Variants in LIN28B observed in about 807,000 individuals in gnomAD.
LIN28B encodes the protein lin-28 RNA binding posttranscriptional regulator B.
A neutral mutation model predicts 21.9 loss-of-function variants in LIN28B; 5 were observed. The ratio of observed to expected loss-of-function variants is 0.23; its 90% CI spans 0.12 to 0.48. The LOEUF is 0.48. Among genes scored for constraint, LIN28B ranks in the 20% least tolerant of loss-of-function variants. The probability of loss-of-function intolerance (pLI) is 0.98; values close to 1 mark genes in which losing one functional copy is unlikely to be tolerated. For missense variants in LIN28B, 245 were observed against 310.5 expected (o/e 0.79, Z 1.58); for synonymous variants, 109 against 111.3 (o/e 0.98, Z 0.13).
rs1471490283 is a variant in LIN28B at position 105,081,812 on chromosome 6, C to T, written c.*3029C>T. The T allele has an allele frequency of 5.9e-5, 9 of 152,632 alleles. No homozygotes were observed. The highest frequency in any genetic ancestry group is 2.0e-4 in the Admixed American group (3 of 15,274). The allele number at this position is 152,632 out of a possible 1,614,324, so 9.5% of individuals were successfully genotyped here. A position where few individuals can be genotyped will look rare whatever the true frequency, so the allele number is the denominator to read the frequency against. ...GAGTTTAAAAGACGCCAATGTCCTT[C>T]ATTTACTGTCTGTGCTGCCCTGAAG... On this transcript the variant is annotated 3_prime_UTR_variant, in exon 4 of 4. Transcript: ENST00000345080.
chr6:104,938,166 G>A (rs1288810990), intron 2 of LIN28B, among the ~76,000 whole-genome samples: 1 of 151,714 alleles, frequency 6.6e-6, no homozygotes, highest in Non-Finnish European at 1.5e-5. Context: ...TCTCACTTGT[G>A]CCCAGGAGGT....
intron 2 of LIN28B, among the ~76,000 whole-genome samples, chr6:105,012,460 C>G (rs926196310): frequency 5.3e-5 from 8 of 151,552 alleles, no homozygotes; most frequent in Non-Finnish European, 7.4e-5. Context: ...CAGAGCAAGA[C>G]TCCATCTCCA....
chr6:105,034,294 G>C (rs1771480454), intron 3 of LIN28B, among the ~76,000 whole-genome samples: 1 of 151,674 alleles, frequency 6.6e-6, no homozygotes, highest in Admixed American at 6.6e-5. Context: ...GTGTTGACTT[G>C]AATTTTTAAA....
intron 2 of LIN28B, among the ~76,000 whole-genome samples, chr6:104,976,135 T>C (rs534439291): frequency 2.2e-4 from 33 of 152,292 alleles, no homozygotes; most frequent in Non-Finnish European, 4.3e-4. Context: ...AATTACTTAC[T>C]TTGTGCTAGG....
intron 2 of LIN28B, chr6:104,940,637 G>C (rs1039471426): frequency 1.3e-5 from 2 of 150,518 alleles, no homozygotes; most frequent in Non-Finnish European, 3.0e-5. Flanking sequence ...GCGTGCCGCC[G>C]GCTGACGCAG....
chr6:105,007,298 T>C (rs1278140690), intron 2 of LIN28B, among the ~76,000 whole-genome samples: 2 of 152,170 alleles, frequency 1.3e-5, no homozygotes, highest in Non-Finnish European at 2.9e-5. Context: ...GAATTTATTA[T>C]TCAAAACAGT....
In LIN28B at chr6:105,075,304, G is replaced by T. The variant is rs143647139; in HGVS notation, c.384-3110G>T. Among the ~76,000 whole-genome samples, 51 of 152,274 alleles carry T rather than the reference G, an allele frequency of 3.3e-4. 1 individual carries two copies. The East Asian group carries it at 9.1e-3, about 27-fold the overall frequency. On this transcript the variant is annotated intron_variant, in intron 3 of 3. Coordinates refer to ENST00000345080, the MANE Select transcript of LIN28B (RefSeq NM_001004317.4). The stretch of plus-strand genomic sequence containing the variant: ...AACAGTGTGGAGGGTGAACAAAGGG[G>T]ACTAAAATCATGTATAGCTTGTATG...
intron 3 of LIN28B, among the ~76,000 whole-genome samples, chr6:105,051,584 CTG>C (rs1771907838): frequency 6.6e-6 from 1 of 151,566 alleles, no homozygotes; most frequent in African/African-American, 2.4e-5. Context: ...GACGTATACT[CTG>C]AGTTCTTTTA....
intron 3 of LIN28B, 46 bp from the exon 4 acceptor site, chr6:105,078,368 T>A: frequency 6.5e-7 from 1 of 1,534,168 alleles, no homozygotes; most frequent in South Asian, 1.3e-5. Flanking sequence ...TGTTTTTGGA[T>A]ACATGCTGCC....
intron 2 of LIN28B, among the ~76,000 whole-genome samples, chr6:104,991,979 C>G (rs1053741789): frequency 2.9e-5 from 4 of 137,144 alleles, no homozygotes; most frequent in African/African-American, 8.3e-5. Context: ...AGCTTTGGCT[C>G]GGCATCAGAG....
At chr6:105,014,800 A>G (rs1053517053) in intron 2 of LIN28B, among the ~76,000 whole-genome samples, 1 of 151,874 alleles carries the variant, frequency 6.6e-6, no homozygotes, top group Non-Finnish European at 1.5e-5. Context: ...CTTAAATCTA[A>G]ATTTTCCTTC....
rs1319253572 is a variant in LIN28B, at chr6:105,080,904, C to G, written c.*2121C>G. ...GGAAATTATGGACTTCAAAATTGGACACTTCCTGTTTACAAAAAGAAATTC... is the reference window on the plus strand; with the variant it reads ...GGAAATTATGGACTTCAAAATTGGAGACTTCCTGTTTACAAAAAGAAATTC... On this transcript the variant is annotated 3_prime_UTR_variant, in exon 4 of 4. Transcript: ENST00000345080. The G allele has an allele frequency of 1.3e-5, 2 of 152,494 alleles. 1 individual carries two copies. The highest frequency in any genetic ancestry group is 2.9e-5 in the Non-Finnish European group (2 of 68,016). 9.4% of individuals were successfully genotyped at this position (152,494 alleles called of 1,614,324 possible).
At chr6:105,033,873 A>C (rs1269449986) in intron 3 of LIN28B, among the ~76,000 whole-genome samples, 1 of 151,740 alleles carries the variant, frequency 6.6e-6, no homozygotes, top group Admixed American at 6.6e-5. Context: ...TTTCTTTGCC[A>C]CAGTTGATTT....
At chr6:105,053,698 GGT>G (rs1215183082) in intron 3 of LIN28B, among the ~76,000 whole-genome samples, 3 of 104,732 alleles carry the variant, frequency 2.9e-5, no homozygotes, top group Non-Finnish European at 3.9e-5. Flanking sequence ...TTGTTTGTAT[GGT>G]GTGTGTGTGG....
At chr6:105,055,468 A>C (rs1469276095) in intron 3 of LIN28B, among the ~76,000 whole-genome samples, 2 of 152,168 alleles carry the variant, frequency 1.3e-5, no homozygotes, top group Non-Finnish European at 2.9e-5. Context: ...CTCCCTCCTT[A>C]GTCTTGATTA....
chr6:104,984,770 A>G (rs1770300280), intron 2 of LIN28B, among the ~76,000 whole-genome samples: 2 of 152,226 alleles, frequency 1.3e-5, no homozygotes, highest in East Asian at 1.9e-4. Context: ...GTAAAACAAC[A>G]AAGACAAAGA....
chr6:104,998,604 A>G (rs932428830), intron 2 of LIN28B, among the ~76,000 whole-genome samples: 3 of 152,178 alleles, frequency 2.0e-5, no homozygotes, highest in African/African-American at 7.2e-5. Flanking sequence ...ATTTCCTCTT[A>G]GAATCCAGTA....
chr6:104,948,584 A>G (rs1016365177), intron 2 of LIN28B, among the ~76,000 whole-genome samples: 1 of 152,238 alleles, frequency 6.6e-6, no homozygotes, highest in African/African-American at 2.4e-5. Flanking sequence ...ATTTCAAAAA[A>G]CAGTCACCTA....
chr6:104,973,711 T>C (rs1437671866), intron 2 of LIN28B, among the ~76,000 whole-genome samples: 1 of 152,258 alleles, frequency 6.6e-6, no homozygotes, highest in Non-Finnish European at 1.5e-5. Flanking sequence ...CTAATTACTT[T>C]AGAATTTATT....
Sources: allele counts gnomAD v4.1 joint callset (sites outside exome capture counted in the v4.1 genomes callset), GRCh38; gene constraint gnomAD v4.1.1; transcripts MANE v1.5; gene names NCBI Gene and HGNC (gene_info 2026-07-23, HGNC 2026-07-21).